Variants in FBXL13 observed in about 807,000 individuals in gnomAD.
FBXL13 encodes F-box and leucine-rich repeat protein 13.
In FBXL13, 67 loss-of-function variants were observed where a neutral mutation model predicts 83.6. The observed-to-expected ratio is 0.80, with a 90% CI of 0.66 to 0.98. The LOEUF (loss-of-function observed/expected upper bound fraction) is 0.98, where lower values mean the gene tolerates loss of function less well. Among genes scored for constraint, FBXL13 ranks in the 50% least tolerant of loss-of-function variants. FBXL13 has a pLI of 0.00. For missense variants in FBXL13, 822 were observed against 866.5 expected, an observed-to-expected ratio of 0.95 and a Z score of 0.64; for synonymous variants, 272 against 299.5, an observed-to-expected ratio of 0.91 and a Z score of 0.95.
intron 16 of FBXL13, among the ~76,000 whole-genome samples, chr7:102,858,160 G>A (rs988448778): frequency 6.6e-6 from 1 of 152,212 alleles, no homozygotes; most frequent in Non-Finnish European, 1.5e-5. Context: ...CAACATGGAT[G>A]AGCCTGGAGG....
intron 6 of FBXL13, among the ~76,000 whole-genome samples, chr7:102,979,026 T>G (rs867669842): frequency 6.6e-6 from 1 of 152,222 alleles, no homozygotes; most frequent in East Asian, 1.9e-4. Context: ...GATATAAAGA[T>G]AGGTAATTTT....
intron 1 of FBXL13, among the ~76,000 whole-genome samples, chr7:103,072,354 A>T (rs1799046898): frequency 6.6e-6 from 1 of 152,140 alleles, no homozygotes; most frequent in African/African-American, 2.4e-5. Flanking sequence ...ACTTCCTGCT[A>T]GTGTGCTAGC....
chr7:102,816,610 C>G (rs200735424), intron 19 of FBXL13, among the ~76,000 whole-genome samples: 1 of 152,128 alleles, frequency 6.6e-6, no homozygotes, highest in Non-Finnish European at 1.5e-5. Context: ...TTTGCACACA[C>G]GCACCTTTAA....
Position 102,928,964 on chromosome 7 carries a change from T to C in FBXL13, c.778-2590A>G, listed in dbSNP as rs569858721. Among the ~76,000 whole-genome samples, 149 of 152,356 alleles carry C rather than the reference T, an allele frequency of 9.8e-4. 2 individuals are homozygous for C. The South Asian group carries it at 0.029, about 30-fold the overall frequency. On this transcript the variant is annotated intron_variant, in intron 9 of 19. Transcript: ENST00000313221. ...TGCCTCCATTTCTTGCGGATGACCC[T>C]GAAGGGTACTTTTGAACATAAAGGA...
chr7:102,956,066 C>A (rs918093739), intron 8 of FBXL13, among the ~76,000 whole-genome samples: 2 of 152,040 alleles, frequency 1.3e-5, no homozygotes, highest in Non-Finnish European at 2.9e-5. Flanking sequence ...CAAAGCCTGG[C>A]AGAGACACAA....
At chr7:103,032,474 T>C (rs1382912470) in intron 2 of FBXL13, among the ~76,000 whole-genome samples, 4 of 152,164 alleles carry the variant, frequency 2.6e-5, no homozygotes, top group East Asian at 1.9e-4. Context: ...CTTAATATCA[T>C]TGTACCCATG....
chr7:102,834,086 A>AAAGGAAAGAAAG lies in FBXL13; in HGVS notation c.1720-1113_1720-1112insCTTTCTTTCCTT, dbSNP rs1554404905. On this transcript the variant is annotated intron_variant, in intron 17 of 19. Coordinates refer to ENST00000313221, the Ensembl canonical transcript of FBXL13. Reference sequence around the variant, plus strand: ...GAAGGAAGGAAGGAAGGAAGGAAAGAAAAGAAAGAAAGAAAGAAAGAAAGA... The same window carrying AAAGGAAAGAAAG: ...GAAGGAAGGAAGGAAGGAAGGAAAGAAAGGAAAGAAAGAAAGAAAGAAAGAAAGAAAGAAAGA... 3.2e-5 allele frequency among the ~76,000 whole-genome samples: 3 copies of AAAGGAAAGAAAG among 93,678 alleles called. 1 individual carries two copies. Among genetic ancestry groups the AAAGGAAAGAAAG allele is most frequent in the African/African-American group, 1.4e-4 (3 of 21,822 alleles). 61.5% of individuals were successfully genotyped at this position (93,678 alleles called of 152,430 possible). A position where few individuals can be genotyped will look rare whatever the true frequency, so the allele number is the denominator to read the frequency against.
chr7:102,942,197 G>T, intron 8 of FBXL13: 1 of 921,420 alleles, frequency 1.1e-6, no homozygotes, highest in South Asian at 1.6e-5. Context: ...CACTTTCCTA[G>T]AACAAAAGTT....
At chr7:102,941,542 T>C (rs979843657) in intron 8 of FBXL13, among the ~76,000 whole-genome samples, 7 of 152,124 alleles carry the variant, frequency 4.6e-5, no homozygotes, top group African/African-American at 1.7e-4. Flanking sequence ...TCTTTCTCCA[T>C]TGCAATTCCC....
chr7:102,826,565 A>C (rs772139510), intron 18 of FBXL13, among the ~76,000 whole-genome samples: 1 of 150,802 alleles, frequency 6.6e-6, no homozygotes, highest in African/African-American at 2.4e-5. Context: ...GTGAAACCCC[A>C]TATCTACAAA....
chr7:102,878,350 CAG>C lies in FBXL13; in HGVS notation c.1487_1488del (p.Ser496CysfsTer6). The C allele has an allele frequency of 6.2e-7, 1 of 1,605,596 alleles. No homozygotes were observed. Among genetic ancestry groups the C allele is most frequent in the South Asian group, 1.1e-5 (1 of 89,412 alleles). ...TCATACCGCTCAGATAGTTTCATAA[CAG>C]AGGCATCACTTAGCCGCACACAGTT... On this transcript the variant is annotated frameshift_variant, in exon 15 of 20. Coordinates refer to ENST00000313221, the Ensembl canonical transcript of FBXL13. LOFTEE classifies it high-confidence loss of function.
chr7:102,898,790 A>G (rs1268857151), intron 11 of FBXL13, among the ~76,000 whole-genome samples: 1 of 152,252 alleles, frequency 6.6e-6, no homozygotes, highest in African/African-American at 2.4e-5. Flanking sequence ...AAACATGAGC[A>G]TGTGACTAAT....
intron 8 of FBXL13, among the ~76,000 whole-genome samples, chr7:102,946,169 A>C (rs1327211450): frequency 6.6e-6 from 1 of 152,230 alleles, no homozygotes; most frequent in African/African-American, 2.4e-5. Flanking sequence ...GGCGTGAGCC[A>C]CACTCAGCCA....
At chr7:103,066,110 A>G (rs186607853) in intron 1 of FBXL13, among the ~76,000 whole-genome samples, 1 of 152,362 alleles carries the variant, frequency 6.6e-6, no homozygotes, top group Non-Finnish European at 1.5e-5. Flanking sequence ...CTAGGTGTCA[A>G]GGGCTACTTT....
intron 6 of FBXL13, among the ~76,000 whole-genome samples, chr7:103,012,154 T>C (rs1791703958): frequency 6.6e-6 from 1 of 152,128 alleles, no homozygotes; most frequent in South Asian, 2.1e-4. Context: ...GGCTGGTGGA[T>C]CACCTGAGGT....
At chr7:102,819,575 C>T (rs978051810) in intron 19 of FBXL13, among the ~76,000 whole-genome samples, 5 of 152,124 alleles carry the variant, frequency 3.3e-5, no homozygotes, top group African/African-American at 4.8e-5. Context: ...CCTCTTCTGA[C>T]GGCTGTAATT....
At chr7:102,976,522 T>C (rs1827485431) in intron 6 of FBXL13, among the ~76,000 whole-genome samples, 1 of 152,158 alleles carries the variant, frequency 6.6e-6, no homozygotes, top group Non-Finnish European at 1.5e-5. Flanking sequence ...CAAACCCCTC[T>C]GGGGCTTCTT....
rs983952192 is a variant in FBXL13, at chr7:102,912,679, C to CA, written c.1008+406_1008+407insT. On this transcript the variant is annotated intron_variant, in intron 11 of 19. Transcript: ENST00000313221. ...ATCACTTATAGCATTTTACCCCCCC[C>CA]CCCCCAAAAAAAAACCCATGTGGGA... is the stretch of plus-strand genomic sequence containing the variant. Among the ~76,000 whole-genome samples, 7 of 138,568 alleles carry CA rather than the reference C, an allele frequency of 5.1e-5. 1 individual carries two copies. The highest frequency in any genetic ancestry group is 1.9e-4 in the African/African-American group (7 of 37,752). 90.9% of individuals were successfully genotyped at this position (138,568 alleles called of 152,430 possible). A position where few individuals can be genotyped will look rare whatever the true frequency, so the allele number is the denominator to read the frequency against.
At chr7:102,848,198 A>G (rs1804372885) in intron 17 of FBXL13, among the ~76,000 whole-genome samples, 2 of 152,172 alleles carry the variant, frequency 1.3e-5, no homozygotes, top group Non-Finnish European at 2.9e-5. Flanking sequence ...ACCTGCTAAC[A>G]CTGAAATAAT....
Sources: allele counts gnomAD v4.1 joint callset (sites outside exome capture counted in the v4.1 genomes callset), GRCh38; gene constraint gnomAD v4.1.1; transcripts MANE v1.5; gene names NCBI Gene and HGNC (gene_info 2026-07-23, HGNC 2026-07-21).